Variants in MDGA2 observed in about 807,000 individuals in gnomAD.
MDGA2 encodes MAM domain containing glycosylphosphatidylinositol anchor 2, also known as MAM domain-containing glycosylphosphatidylinositol anchor protein 2.
Under a neutral mutation model 117.8 loss-of-function variants are expected in MDGA2, and 40 were observed. The observed-to-expected ratio is 0.34, with a 90% CI of 0.26 to 0.44. The LOEUF (loss-of-function observed/expected upper bound fraction) is 0.44. Ranked by LOEUF, MDGA2 falls within the 20% of genes least tolerant of loss-of-function variation. The pLI is 1.00. For missense variants in MDGA2, 1,123 were observed against 1,250.6 expected (o/e 0.90, Z 1.54); for synonymous variants, 452 against 439.0 (o/e 1.03, Z -0.37).
intron 5 of MDGA2, among the ~76,000 whole-genome samples, chr14:47,122,987 A>C (rs138034625): frequency 0.011 from 1,616 of 152,212 alleles, 32 homozygotes; most frequent in African/African-American, 0.037. Flanking sequence ...ATAATCTAAC[A>C]GCATATTAAA....
At chr14:47,645,099 T>C (rs1464747566) in intron 1 of MDGA2, among the ~76,000 whole-genome samples, 1 of 152,188 alleles carries the variant, frequency 6.6e-6, no homozygotes, top group Non-Finnish European at 1.5e-5. Context: ...TCATTTCAGA[T>C]TTCTGACTTC....
intron 3 of MDGA2, among the ~76,000 whole-genome samples, chr14:47,163,714 GA>G (rs1473081148): frequency 2.0e-5 from 3 of 152,192 alleles, no homozygotes; most frequent in Non-Finnish European, 2.9e-5. Context: ...GCACGAGGAG[GA>G]AAACACATTT....
intron 4 of MDGA2, among the ~76,000 whole-genome samples, chr14:47,143,073 T>C (rs1332002505): frequency 6.6e-6 from 1 of 152,118 alleles, no homozygotes; most frequent in Non-Finnish European, 1.5e-5. Context: ...GTTTACCATA[T>C]AAGGAAATAT....
intron 8 of MDGA2, among the ~76,000 whole-genome samples, chr14:47,008,488 T>A (rs1233334990): frequency 6.6e-6 from 1 of 151,870 alleles, no homozygotes; most frequent in Non-Finnish European, 1.5e-5. Flanking sequence ...ATCCCTTGGT[T>A]TCTACAGTTA....
At chr14:47,580,467 T>C (rs12894494) in intron 1 of MDGA2, among the ~76,000 whole-genome samples, 40,168 of 151,922 alleles carry the variant, frequency 0.26, 6,180 homozygotes, top group Non-Finnish European at 0.35. Flanking sequence ...TTTGAGGGTA[T>C]ACAAATATCT....
At chr14:47,624,395 T>C (rs1192964579) in intron 1 of MDGA2, among the ~76,000 whole-genome samples, 6 of 151,976 alleles carry the variant, frequency 3.9e-5, no homozygotes, top group African/African-American at 1.5e-4. Context: ...GAGGTGGAGG[T>C]TGCAGCGAGC....
chr14:47,050,009 G>A (rs1889399709), intron 7 of MDGA2, among the ~76,000 whole-genome samples: 1 of 151,900 alleles, frequency 6.6e-6, no homozygotes, highest in East Asian at 1.9e-4. Flanking sequence ...TAGTCAAATA[G>A]GTCAGAAGGC....
At chr14:47,234,141 CCAGA>C (rs1277791491) in intron 2 of MDGA2, among the ~76,000 whole-genome samples, 3 of 151,616 alleles carry the variant, frequency 2.0e-5, no homozygotes, top group African/African-American at 4.8e-5. Flanking sequence ...AATAAAATTA[CCAGA>C]CACAGTAACT....
chr14:47,204,727 A>G (rs1885621124), intron 3 of MDGA2, among the ~76,000 whole-genome samples: 1 of 151,940 alleles, frequency 6.6e-6, no homozygotes, highest in African/African-American at 2.4e-5. Flanking sequence ...TCACTATGTT[A>G]TTAATAAAAC....
rs1407430888 is a variant in MDGA2 at position 47,606,605 on chromosome 14, C to CT, written c.280+67911dup. The stretch of plus-strand genomic sequence containing the variant: ...AAAAACTTACATCTGAGGCTAAATA[C>CT]TAAAGGTACTGTTTGCCTTGTGTCA... On this transcript the variant is annotated intron_variant, in intron 1 of 16. Coordinates refer to ENST00000399232, the MANE Select transcript of MDGA2 (RefSeq NM_001113498.3). Among the ~76,000 whole-genome samples, 8 of 152,246 alleles carry CT rather than the reference C, an allele frequency of 5.3e-5. No individual in the cohort carries two copies. The East Asian group carries it at 1.5e-3, about 29-fold the overall frequency.
At chr14:47,562,517 T>A (rs1169362259) in intron 1 of MDGA2, among the ~76,000 whole-genome samples, 1 of 152,218 alleles carries the variant, frequency 6.6e-6, no homozygotes, top group Non-Finnish European at 1.5e-5. Context: ...GTTTTCTAGC[T>A]TGTGTGCACT....
intron 1 of MDGA2, among the ~76,000 whole-genome samples, chr14:47,482,806 T>G (rs1893980774): frequency 6.6e-6 from 1 of 151,618 alleles, no homozygotes; most frequent in African/African-American, 2.4e-5. Flanking sequence ...CTAGCAGAGG[T>G]GATAAAAATT....
intron 1 of MDGA2, among the ~76,000 whole-genome samples, chr14:47,540,037 C>A (rs766180458): frequency 6.6e-6 from 1 of 151,862 alleles, no homozygotes; most frequent in East Asian, 1.9e-4. Context: ...TTTTTTGAGA[C>A]GGAGTCTCGC....
intron 2 of MDGA2, among the ~76,000 whole-genome samples, chr14:47,252,514 T>A (rs892889479): frequency 1.3e-5 from 2 of 152,058 alleles, no homozygotes; most frequent in African/African-American, 4.8e-5. Flanking sequence ...GCAATAAAGG[T>A]TTAAAACTAT....
intron 1 of MDGA2, among the ~76,000 whole-genome samples, chr14:47,449,509 T>C (rs796767286): frequency 3.1e-4 from 47 of 152,248 alleles, no homozygotes; most frequent in African/African-American, 1.0e-3. Flanking sequence ...TGTTTGTAAA[T>C]AAAAGTCAAC....
intron 1 of MDGA2, among the ~76,000 whole-genome samples, chr14:47,340,447 G>A (rs1177809257): frequency 6.6e-6 from 1 of 151,840 alleles, no homozygotes; most frequent in Non-Finnish European, 1.5e-5. Flanking sequence ...CAGGATCCAG[G>A]GTAATTATAT....
At chr14:47,373,956 T>C (rs1891421841) in intron 1 of MDGA2, among the ~76,000 whole-genome samples, 1 of 152,160 alleles carries the variant, frequency 6.6e-6, no homozygotes, top group Admixed American at 6.6e-5. Context: ...CAAAGGATAA[T>C]AAGGTATTCC....
intron 1 of MDGA2, among the ~76,000 whole-genome samples, chr14:47,368,730 A>G (rs1366342043): frequency 6.6e-6 from 1 of 152,184 alleles, no homozygotes; most frequent in East Asian, 1.9e-4. Context: ...CGTTGTCATT[A>G]GTGTAAAACT....
chr14:47,644,894 T>C (rs1287825858), intron 1 of MDGA2, among the ~76,000 whole-genome samples: 1 of 151,926 alleles, frequency 6.6e-6, no homozygotes, highest in Admixed American at 6.6e-5. Flanking sequence ...AAAATAATAA[T>C]TAGGTGGGAG....
Sources: gnomAD v4.1 joint callset for allele counts (sites outside exome capture counted in the v4.1 genomes callset) on GRCh38, gnomAD v4.1.1 for gene constraint, MANE v1.5 for transcripts, NCBI Gene and HGNC (gene_info 2026-07-23, HGNC 2026-07-21) for gene names.